Variants in ANKRD18A observed in about 807,000 individuals in gnomAD.
The protein encoded by ANKRD18A is ankyrin repeat domain-containing protein 18A.
ANKRD18A carries 72 observed loss-of-function variants against 110.6 expected under a neutral mutation model. The observed-to-expected ratio is 0.65, with a 90% CI of 0.54 to 0.79. The LOEUF (loss-of-function observed/expected upper bound fraction) is 0.79. Ranked by LOEUF, ANKRD18A falls within the 30% of genes least tolerant of loss-of-function variation. The pLI, the probability that ANKRD18A is intolerant of heterozygous loss-of-function variation, is 0.00. For missense variants in ANKRD18A, 934 were observed against 1,163.3 expected, an observed-to-expected ratio of 0.80 and a Z score of 2.87; for synonymous variants, 305 against 410.3, an observed-to-expected ratio of 0.74 and a Z score of 3.10.
chr9:38,609,983 A>T (rs994622654), intron 5 of ANKRD18A, among the ~76,000 whole-genome samples: 8 of 151,860 alleles, frequency 5.3e-5, no homozygotes, highest in African/African-American at 1.9e-4. Context: ...AAAGTAAAAG[A>T]TGGACATTAT....
At chr9:38,613,429 T>A (rs1448996486) in intron 3 of ANKRD18A, among the ~76,000 whole-genome samples, 2 of 152,100 alleles carry the variant, frequency 1.3e-5, no homozygotes, top group Non-Finnish European at 2.9e-5. Flanking sequence ...ATAAACCAAG[T>A]ATTTGCATGT....
At chr9:38,593,075 T>C (rs1022962753) in intron 10 of ANKRD18A, among the ~76,000 whole-genome samples, 1 of 152,202 alleles carries the variant, frequency 6.6e-6, no homozygotes, top group Non-Finnish European at 1.5e-5. Flanking sequence ...TTTTAAATGG[T>C]TGAACTGTCT....
At chr9:38,580,127 G>A (rs1186850880) in intron 12 of ANKRD18A, among the ~76,000 whole-genome samples, 9 of 152,266 alleles carry the variant, frequency 5.9e-5, no homozygotes, top group African/African-American at 2.2e-4. Context: ...TTGAGGGCTG[G>A]GCAACATGGC....
chr9:38,593,122 A>G (rs1824725912), intron 10 of ANKRD18A, among the ~76,000 whole-genome samples: 2 of 152,212 alleles, frequency 1.3e-5, no homozygotes, highest in Non-Finnish European at 2.9e-5. Context: ...CTGTTTTTAA[A>G]ATCCCATGGT....
chr9:38,582,037 G>A (rs1007007509), intron 12 of ANKRD18A, among the ~76,000 whole-genome samples: 21 of 152,260 alleles, frequency 1.4e-4, no homozygotes, highest in African/African-American at 4.8e-4. Flanking sequence ...GATGCCAGGT[G>A]GAAAGAGGAT....
chr9:38,569,208 T>C, downstream of ANKRD18A: 1 of 982,522 alleles, frequency 1.0e-6, no homozygotes, highest in Non-Finnish European at 1.2e-6. Flanking sequence ...GTTGTCCTGG[T>C]GGTCCTGGGG....
chr9:38,599,427 AAAACTTTCACC>A (rs1361884514), intron 8 of ANKRD18A, among the ~76,000 whole-genome samples: 10 of 152,110 alleles, frequency 6.6e-5, no homozygotes, highest in Non-Finnish European at 1.2e-4. Flanking sequence ...TGGATTTTTC[AAAACTTTCACC>A]AATCTTCAGT....
chr9:38,611,354 A>G lies in ANKRD18A; in HGVS notation c.496-33T>C, dbSNP rs769137339. The G allele has an allele frequency of 3.3e-6, 5 of 1,502,846 alleles. No homozygotes were observed. In the East Asian group the frequency reaches 1.2e-4, roughly 37 times the overall value. The allele number at this position is 1,502,846 out of a possible 1,614,324, so 93.1% of individuals were successfully genotyped here. On this transcript the variant is annotated intron_variant, in intron 3 of 15. Coordinates refer to ENST00000399703, the MANE Select transcript of ANKRD18A (RefSeq NM_147195.4). ...AAAGCAAAAACAATTTATAATTCACAAAATTACATATTTCTCCACTGAACT... is the reference window on the plus strand; with the variant it reads ...AAAGCAAAAACAATTTATAATTCACGAAATTACATATTTCTCCACTGAACT...
downstream of ANKRD18A, chr9:38,566,429 T>C (rs1224802117): frequency 6.6e-6 from 1 of 152,196 alleles, no homozygotes; most frequent in African/African-American, 2.4e-5. Context: ...ATCTGAGACC[T>C]CCTCAGCCTG....
At chr9:38,577,412 C>T (rs1823942444) in intron 13 of ANKRD18A, 148 bp from the exon 14 acceptor site, 1 of 776,874 alleles carries the variant, frequency 1.3e-6, no homozygotes, top group African/African-American at 1.8e-5. Context: ...TCAGCAATAT[C>T]AACAAAACTA....
intron 8 of ANKRD18A, among the ~76,000 whole-genome samples, chr9:38,599,040 C>G (rs1825011595): frequency 6.6e-6 from 1 of 152,182 alleles, no homozygotes; most frequent in Admixed American, 6.5e-5. Flanking sequence ...TCAGCCATAA[C>G]TACTGGGTTC....
At chr9:38,571,182 T>C, downstream of ANKRD18A, 2 of 1,532,986 alleles carry the variant, frequency 1.3e-6, no homozygotes, top group Non-Finnish European at 1.7e-6. Context: ...TGGGAAGGGC[T>C]CGCCTGTGCT....
At chr9:38,570,828 AC>A (rs1823612126), downstream of ANKRD18A, among the ~76,000 whole-genome samples, 1 of 151,672 alleles carries the variant, frequency 6.6e-6, no homozygotes, top group African/African-American at 2.4e-5. Flanking sequence ...CTTCACACTC[AC>A]CCCGCAAGGC....
intron 5 of ANKRD18A, 118 bp downstream of exon 5, chr9:38,610,155 G>A: frequency 1.5e-5 from 20 of 1,334,136 alleles, no homozygotes; most frequent in Non-Finnish European, 1.9e-5. Context: ...CTAACTTGTT[G>A]CCATTCCAAG....
intron 3 of ANKRD18A, among the ~76,000 whole-genome samples, chr9:38,613,737 A>C (rs1815622569): frequency 6.6e-6 from 1 of 152,244 alleles, no homozygotes; most frequent in African/African-American, 2.4e-5. Context: ...TAAACTTAAT[A>C]GGCATACTGA....
At chr9:38,611,462 C>T (rs886812143) in intron 3 of ANKRD18A, 141 bp from the exon 4 acceptor site, 14 of 1,430,624 alleles carry the variant, frequency 9.8e-6, no homozygotes, top group African/African-American at 5.8e-5. Context: ...CCCTTTCACT[C>T]CTCTGTGCTT....
At chr9:38,566,322 G>T in the ANKRD18A span, 4 of 152,342 alleles carry the variant, frequency 2.6e-5, no homozygotes, top group East Asian at 7.7e-4. Context: ...GAAATAAAAT[G>T]CAAGATCACT....
In ANKRD18A at chr9:38,571,455, T is replaced by C. The variant is rs1362297193; in HGVS notation, c.*590A>G. On this transcript the variant is annotated 3_prime_UTR_variant, in exon 16 of 16. Coordinates refer to ENST00000399703, the MANE Select transcript of ANKRD18A (RefSeq NM_147195.4). ...CTGGCAACCATCACAGTAATACTTG[T>C]TCAAACACAAGTCATCCATGAAATG... is the stretch of plus-strand genomic sequence containing the variant. 3 of 569,036 alleles carry C rather than the reference T, an allele frequency of 5.3e-6. No homozygotes were observed. The Admixed American group carries it at 1.4e-4, about 27-fold the overall frequency. The allele number at this position is 569,036 out of a possible 1,614,324, so 35.2% of individuals were successfully genotyped here.
At position 38,611,239 on chromosome 9, in the gene ANKRD18A, A is replaced by G; in HGVS notation, c.578T>C (p.Ile193Thr). ...VEFLLKNQAN[I>T]HAVDNFKRTA... is the part of the protein sequence containing the mutation. The stretch of plus-strand genomic sequence containing the variant: ...CCTTTTGAAATTGTCAACGGCATGT[A>G]TATTTGCCTGGTTCTTCAATAAAAA... The change falls in exon 4 of 16, where the codon ATA becomes ACA. Residue 193 changes from isoleucine (I) to threonine (T), a missense_variant. Ile to Thr is a moderately conservative substitution (Grantham distance 89). Coordinates refer to ENST00000399703, the MANE Select transcript of ANKRD18A (RefSeq NM_147195.4). The G allele has an allele frequency of 6.6e-7, 1 of 1,526,568 alleles. No homozygotes were observed. Among genetic ancestry groups the G allele is most frequent in the Non-Finnish European group, 8.8e-7 (1 of 1,140,430 alleles). 94.6% of individuals were successfully genotyped at this position (1,526,568 alleles called of 1,614,324 possible).
Sources: gnomAD v4.1 joint callset for allele counts (sites outside exome capture counted in the v4.1 genomes callset) on GRCh38, gnomAD v4.1.1 for gene constraint, MANE v1.5 for transcripts, NCBI Gene and HGNC (gene_info 2026-07-23, HGNC 2026-07-21) for gene names.